GGTLC2: variants seen among roughly 807,000 people sequenced by gnomAD.
GGTLC2 encodes the protein gamma-glutamyltransferase light chain 2.
GGTLC2 carries 13 observed loss-of-function variants against 20.2 expected under a neutral mutation model. That is an observed-to-expected ratio of 0.64 (90% CI 0.42 to 1.02). The LOEUF is 1.02. GGTLC2 is among the 50% of genes least tolerant of loss of function. The probability of loss-of-function intolerance (pLI) is 0.00; values close to 1 mark genes in which losing one functional copy is unlikely to be tolerated. For synonymous variants in GGTLC2, 89 were observed against 125.5 expected (o/e 0.71, Z 1.94); for missense variants, 202 against 301.3 (o/e 0.67, Z 2.44).
chr22:22,645,225 T>A (rs190125834), intron 1 of GGTLC2, among the ~76,000 whole-genome samples: 14,094 of 150,086 alleles, frequency 0.094, 695 homozygotes, highest in East Asian at 0.27. Context: ...TGAAACTCCC[T>A]TGAGGCATTT....
At position 22,646,267 on chromosome 22, in the gene GGTLC2, C is replaced by T. The variant is rs1242759405; in HGVS notation, c.-34-45C>T. ...GGTCAGAGCCACAGTCAGGGGCCTT[C>T]TGAGACCTGTGTCCCCTCCCCACCC... On this transcript the variant is annotated intron_variant, in intron 1 of 5. Transcript: ENST00000448514. The T allele has an allele frequency of 5.9e-4, 852 of 1,437,420 alleles. 23 individuals are homozygous for T. The highest frequency in any genetic ancestry group is 4.6e-3 in the African/African-American group (318 of 69,046). The allele number at this position is 1,437,420 out of a possible 1,614,324, so 89.0% of individuals were successfully genotyped here. A position where few individuals can be genotyped will look rare whatever the true frequency, so the allele number is the denominator to read the frequency against.
At chr22:22,645,522 T>C (rs928714333) in intron 1 of GGTLC2, among the ~76,000 whole-genome samples, 3 of 150,890 alleles carry the variant, frequency 2.0e-5, no homozygotes, top group Admixed American at 6.6e-5. Context: ...GTCGGCGCCA[T>C]CCTTGATTCT....
intron 3 of GGTLC2, 37 bp downstream of exon 3, chr22:22,646,918 G>A (rs533092054): frequency 5.0e-6 from 8 of 1,612,490 alleles, no homozygotes; most frequent in African/African-American, 2.7e-5. Flanking sequence ...GGACTGGGGT[G>A]GAGAGGGGCG....
intron 1 of GGTLC2, among the ~76,000 whole-genome samples, chr22:22,645,229 G>A (rs962568371): frequency 9.9e-5 from 15 of 151,270 alleles, no homozygotes; most frequent in Non-Finnish European, 1.8e-4. Flanking sequence ...ACTCCCTTGA[G>A]GCATTTTCTT....
intron 1 of GGTLC2, among the ~76,000 whole-genome samples, chr22:22,645,729 G>A (rs1249010007): frequency 6.6e-6 from 1 of 151,476 alleles, no homozygotes; most frequent in Admixed American, 6.6e-5. Context: ...GGTCCTGTGG[G>A]ATGGGCCCCA....
At chr22:22,647,496 C>G in intron 5 of GGTLC2, 99 bp from the exon 6 acceptor site, 1 of 1,588,762 alleles carries the variant, frequency 6.3e-7, no homozygotes, top group African/African-American at 1.3e-5. Context: ...TGACCTGGCC[C>G]GAAATGGCAC....
At chr22:22,644,927 G>A (rs1373411713) in intron 1 of GGTLC2, among the ~76,000 whole-genome samples, 47 of 90,632 alleles carry the variant, frequency 5.2e-4, no homozygotes, top group Middle Eastern at 0.024. Context: ...GTCTCCCTCT[G>A]TCGCCCAGGC....
At chr22:22,646,191 T>C (rs1206037596) in intron 1 of GGTLC2, 121 bp from the exon 2 acceptor site, 2 of 1,374,748 alleles carry the variant, frequency 1.5e-6, no homozygotes, top group African/African-American at 2.9e-5. Flanking sequence ...ATCCTGGGCC[T>C]GCCCTTGGGT....
chr22:22,646,448 G>T lies in GGTLC2; in HGVS notation c.103G>T (p.Gly35Trp), dbSNP rs143241298. The T allele has an allele frequency of 8.7e-4, 1,336 of 1,528,804 alleles. 119 individuals are homozygous for T. The highest frequency in any genetic ancestry group is 4.7e-3 in the African/African-American group (348 of 74,178). 94.7% of individuals were successfully genotyped at this position (1,528,804 alleles called of 1,614,324 possible). The part of the protein sequence containing the change: ...YKPEFYTPVD[G>W]GTAHLSVVAE... Reference sequence around the variant, plus strand: ...GCCCGAGTTCTACACGCCGGTTGATGGGGGCACTGCTCACCTGTCTGTCGT... The same window carrying T: ...GCCCGAGTTCTACACGCCGGTTGATTGGGGCACTGCTCACCTGTCTGTCGT... The change falls in exon 2 of 6, where the codon GGG becomes TGG. Residue 35 changes from glycine to tryptophan, a missense_variant. This residue lies in a region of GGTLC2 where 44 missense variants were observed against 81.2 expected (regional missense o/e 0.54). Coordinates refer to ENST00000448514, the MANE Select transcript of GGTLC2 (RefSeq NM_199127.3).
In GGTLC2 at chr22:22,644,694, G is replaced by C. The variant is rs914940322; in HGVS notation, c.-49G>C. 9 of 51,712 alleles carry C rather than the reference G, an allele frequency of 1.7e-4. 1 individual carries two copies. Among genetic ancestry groups the C allele is most frequent in the African/African-American group, 9.2e-4 (9 of 9,836 alleles). 3.2% of individuals were successfully genotyped at this position (51,712 alleles called of 1,614,324 possible). On this transcript the variant is annotated 5_prime_UTR_variant, in exon 1 of 6. Transcript: ENST00000448514. ...TGGCAATGGCGGGAGGCGGACGTGG[G>C]GGGTCATGCAATAGGTACTGGAAGG...
rs1601958982 is a variant in GGTLC2, at chr22:22,647,306, G to A, written c.510+16G>A. On this transcript the variant is annotated intron_variant, in intron 5 of 5. Coordinates refer to ENST00000448514, the MANE Select transcript of GGTLC2 (RefSeq NM_199127.3). ...CATTGACCAGGTGGGCCGGGGGTTG[G>A]AGAAACTGAGTCACGGTGTGGGGCC... 6.2e-7 allele frequency: 1 copy of A among 1,607,340 alleles called. No homozygotes were observed. The highest frequency in any genetic ancestry group is 8.5e-7 in the Non-Finnish European group (1 of 1,177,468).
Position 22,647,216 on chromosome 22 carries a change from C to G in GGTLC2, c.436C>G (p.Arg146Gly). 3 of 1,611,392 alleles carry G rather than the reference C, an allele frequency of 1.9e-6. 1 individual carries two copies. The highest frequency in any genetic ancestry group is 4.5e-4 in the Middle Eastern group (2 of 4,420). ...YNLWFGYDVKRAVEEPRLHNQ... is the reference protein window; with the variant it reads ...YNLWFGYDVKGAVEEPRLHNQ... ...CCTCTGGTTCGGCTATGACGTGAAG[C>G]GGGCCGTGGAGGAGCCCCGGCTGCA... Residue 146 changes from arginine to glycine, a missense_variant, in exon 5 of 6, where the codon CGG (arginine) becomes GGG (glycine). Coordinates refer to ENST00000448514, the MANE Select transcript of GGTLC2 (RefSeq NM_199127.3).
rs2064142598 is a variant in GGTLC2, at chr22:22,647,541, G to A, written c.511-54G>A. The A allele has an allele frequency of 6.2e-6, 10 of 1,607,400 alleles. No individual in the cohort carries two copies. The Admixed American group carries it at 1.5e-4, about 24-fold the overall frequency. ...TGAGGCCTGTGACCACACAGGTGTG[G>A]TTCAGGTGGCATCTGGAGCCCTGCT... is the stretch of plus-strand genomic sequence containing the variant. On this transcript the variant is annotated intron_variant, in intron 5 of 5. Transcript: ENST00000448514.
In GGTLC2 at chr22:22,647,846, G is replaced by T; in HGVS notation, c.*105G>T. 6.4e-7 allele frequency: 1 copy of T among 1,562,598 alleles called. No individual in the cohort carries two copies. The highest frequency in any genetic ancestry group is 8.7e-7 in the Non-Finnish European group (1 of 1,152,128). ...GGCTTCCCCTGTGAGCAGCAGAGCA[G>T]CACAATAAATGAGGCCACTGTGCCA... is the stretch of plus-strand genomic sequence containing the variant. On this transcript the variant is annotated 3_prime_UTR_variant, in exon 6 of 6. Coordinates refer to ENST00000448514, the MANE Select transcript of GGTLC2 (RefSeq NM_199127.3).
In GGTLC2 at chr22:22,645,085, G is replaced by A. The variant is rs941193141; in HGVS notation, c.-35+377G>A. On this transcript the variant is annotated intron_variant, in intron 1 of 5. Transcript: ENST00000448514. ...TTTTTTGTATTTTTAGTAGAGACGGGGTTTCACCGTGTTAGCCAGGATGAT... is the reference window on the plus strand; with the variant it reads ...TTTTTTGTATTTTTAGTAGAGACGGAGTTTCACCGTGTTAGCCAGGATGAT... Among the ~76,000 whole-genome samples, 24 of 145,634 alleles carry A rather than the reference G, an allele frequency of 1.6e-4. 1 individual carries two copies. The highest frequency in any genetic ancestry group is 6.2e-4 in the African/African-American group (24 of 39,002).
chr22:22,645,125 G>A (rs529964047), intron 1 of GGTLC2, among the ~76,000 whole-genome samples: 11 of 71,728 alleles, frequency 1.5e-4, no homozygotes, highest in African/African-American at 5.4e-4. Context: ...ATCTCCTGAC[G>A]TCATGATCCG....
rs1260533643 is a variant in GGTLC2, at chr22:22,647,174, C to G, written c.394C>G (p.Gln132Glu). 3.1e-6 allele frequency: 5 copies of G among 1,611,494 alleles called. No individual in the cohort carries two copies. Among genetic ancestry groups the G allele is most frequent in the Non-Finnish European group, 3.4e-6 (4 of 1,179,770 alleles). The change falls in exon 5 of 6, where the codon CAG becomes GAG. Residue 132 changes from glutamine (Q) to glutamate (E), a missense_variant. Coordinates refer to ENST00000448514, the MANE Select transcript of GGTLC2 (RefSeq NM_199127.3). Reference protein sequence around the residue: ...PSHADHTPMPQAIIYNLWFGY... With the variant: ...PSHADHTPMPEAIIYNLWFGY... ...CCATGCTGATCACACTCCCATGCCCCAGGCCATCATCTACAACCTCTGGTT... is the reference window on the plus strand; with the variant it reads ...CCATGCTGATCACACTCCCATGCCCGAGGCCATCATCTACAACCTCTGGTT...
intron 4 of GGTLC2, 29 bp downstream of exon 4, chr22:22,647,067 G>T (rs759629780): frequency 6.2e-7 from 1 of 1,611,634 alleles, no homozygotes; most frequent in Non-Finnish European, 8.5e-7. Flanking sequence ...GCTGCTGGGG[G>T]CACACAGATC....
intron 4 of GGTLC2, 38 bp from the exon 5 acceptor site, chr22:22,647,103 T>C: frequency 1.2e-6 from 2 of 1,611,690 alleles, no homozygotes; most frequent in Non-Finnish European, 1.7e-6. Context: ...CTGATATGTG[T>C]CACCCCTTTT....
Sources: gnomAD v4.1 joint callset for allele counts (sites outside exome capture counted in the v4.1 genomes callset) on GRCh38, gnomAD v4.1.1 for gene constraint, gnomAD v4.1.1 regional missense constraint, MANE v1.5 for transcripts, NCBI Gene and HGNC (gene_info 2026-07-23, HGNC 2026-07-21) for gene names.